Variants in TRIQK observed in about 807,000 individuals in gnomAD.
TRIQK encodes triple QxxK/R motif-containing protein.
In TRIQK, 10 loss-of-function variants were observed where a neutral mutation model predicts 10.8. That is an observed-to-expected ratio of 0.92 (90% CI 0.57 to 1.57). The LOEUF is 1.57. Ranked by LOEUF, TRIQK falls within the 40% of genes most tolerant of loss-of-function variation. TRIQK has a pLI of 0.00. For synonymous variants in TRIQK, 33 were observed against 33.7 expected (o/e 0.98, Z 0.07); for missense variants, 107 against 97.7 (o/e 1.09, Z -0.40).
At chr8:92,898,571 C>T (rs148683752) in intron 3 of TRIQK, among the ~76,000 whole-genome samples, 68 of 152,000 alleles carry the variant, frequency 4.5e-4, no homozygotes, top group African/African-American at 1.5e-3. Context: ...GAGGTTTTTA[C>T]TTTCCACTCA....
intron 1 of TRIQK, among the ~76,000 whole-genome samples, chr8:92,987,093 A>C (rs1813040491): frequency 6.6e-6 from 1 of 152,214 alleles, no homozygotes. Flanking sequence ...CATTTCTTAT[A>C]ATTTAACATA....
At position 92,932,428 on chromosome 8, in the gene TRIQK, T is replaced by C. The variant is rs545421802; in HGVS notation, c.-21-15418A>G. On this transcript the variant is annotated intron_variant, in intron 2 of 4. Transcript: ENST00000521988. ...TGACCAATACAGTGTTCTCATTGCA[T>C]GCTATCCTCTTTTGACAGTGTTAAC... Among the ~76,000 whole-genome samples the C allele has an allele frequency of 1.6e-3, 245 of 152,304 alleles. 3 individuals carry two copies. Among genetic ancestry groups the C allele is most frequent in the African/African-American group, 5.6e-3 (231 of 41,580 alleles).
chr8:92,895,785 T>A (rs1386928376), intron 3 of TRIQK, among the ~76,000 whole-genome samples: 1 of 152,170 alleles, frequency 6.6e-6, no homozygotes, highest in East Asian at 1.9e-4. Context: ...AGCAAATTAC[T>A]GAAGGAGTTG....
At chr8:92,963,300 C>T (rs957713831) in intron 1 of TRIQK, among the ~76,000 whole-genome samples, 2 of 152,058 alleles carry the variant, frequency 1.3e-5, no homozygotes, top group African/African-American at 4.8e-5. Context: ...CTACTGATAT[C>T]CACTTTTATT....
intron 1 of TRIQK, among the ~76,000 whole-genome samples, chr8:93,003,548 C>T (rs542489868): frequency 1.3e-5 from 2 of 152,114 alleles, no homozygotes; most frequent in East Asian, 3.9e-4. Flanking sequence ...TCCCCCGGTC[C>T]CTCCCAAATC....
intron 1 of TRIQK, among the ~76,000 whole-genome samples, chr8:92,990,881 C>T (rs28676629): frequency 0.011 from 1,651 of 152,204 alleles, 12 homozygotes; most frequent in South Asian, 0.029. Context: ...CCCAGTGGCA[C>T]CTGGAATGAC....
intron 2 of TRIQK, among the ~76,000 whole-genome samples, chr8:92,919,095 T>C (rs1444606679): frequency 6.6e-6 from 1 of 151,900 alleles, no homozygotes; most frequent in Non-Finnish European, 1.5e-5. Context: ...TCTATTTTTA[T>C]GCCAGTACCC....
chr8:93,006,439 C>T (rs1037574749), intron 1 of TRIQK, among the ~76,000 whole-genome samples: 7 of 152,172 alleles, frequency 4.6e-5, no homozygotes, highest in Non-Finnish European at 1.0e-4. Context: ...CTGTGCGACA[C>T]ACGGATCAGG....
At chr8:93,006,025 A>C (rs559517034) in intron 1 of TRIQK, among the ~76,000 whole-genome samples, 1 of 112,238 alleles carries the variant, frequency 8.9e-6, no homozygotes, top group Admixed American at 7.8e-5. Context: ...GAACTATCTA[A>C]AAAATAAGCA....
chr8:92,923,076 A>T (rs1810267324), intron 2 of TRIQK, among the ~76,000 whole-genome samples: 1 of 151,840 alleles, frequency 6.6e-6, no homozygotes, highest in South Asian at 2.1e-4. Flanking sequence ...ACTAATAAAC[A>T]CATTGAGGCT....
At position 92,978,273 on chromosome 8, in the gene TRIQK, C is replaced by T. The variant is rs139480257; in HGVS notation, c.-180-23709G>A. 1.0e-3 allele frequency among the ~76,000 whole-genome samples: 157 copies of T among 152,260 alleles called. 1 individual carries two copies. The highest frequency in any genetic ancestry group is 1.8e-3 in the Non-Finnish European group (125 of 67,998). Reference sequence around the variant, plus strand: ...ATGTGCTGTGGCCTGGAAACTTTGGCTCTAATCACAGGCATTCATAGCCCT... The same window carrying T: ...ATGTGCTGTGGCCTGGAAACTTTGGTTCTAATCACAGGCATTCATAGCCCT... On this transcript the variant is annotated intron_variant, in intron 1 of 4. Coordinates refer to the TRIQK transcript ENST00000520686.
intron 1 of TRIQK, among the ~76,000 whole-genome samples, chr8:93,004,754 T>C (rs1047248931): frequency 6.6e-6 from 1 of 152,212 alleles, no homozygotes; most frequent in African/African-American, 2.4e-5. Context: ...ATCATCTCTC[T>C]CAAGTTCAAA....
intron 2 of TRIQK, among the ~76,000 whole-genome samples, chr8:92,938,212 G>C (rs1013704488): frequency 2.0e-5 from 3 of 151,692 alleles, no homozygotes; most frequent in African/African-American, 7.3e-5. Context: ...TAGTTTTGTG[G>C]AACAGTCTTC....
At chr8:92,926,437 T>C (rs763612694) in intron 2 of TRIQK, 10 of 152,142 alleles carry the variant, frequency 6.6e-5, no homozygotes, top group Non-Finnish European at 1.0e-4. Context: ...AGGAGACAGA[T>C]AGCATAGTAA....
chr8:93,011,167 TATACACATAC>T (rs1813328419), intron 1 of TRIQK, among the ~76,000 whole-genome samples: 1 of 141,332 alleles, frequency 7.1e-6, no homozygotes, highest in Admixed American at 7.1e-5. Flanking sequence ...TGTGTGTGTG[TATACACATAC>T]ATACACACAC....
At chr8:92,919,478 C>G (rs1810054909) in intron 2 of TRIQK, among the ~76,000 whole-genome samples, 1 of 151,890 alleles carries the variant, frequency 6.6e-6, no homozygotes, top group African/African-American at 2.4e-5. Flanking sequence ...CCCTGCATCA[C>G]TGGCGTGATC....
chr8:92,906,349 C>T (rs539206857), intron 3 of TRIQK, among the ~76,000 whole-genome samples: 86 of 152,148 alleles, frequency 5.7e-4, no homozygotes, highest in Non-Finnish European at 9.9e-4. Context: ...TCATACATAG[C>T]GCATGCCTAA....
chr8:92,949,902 A>C (rs1033437329), intron 2 of TRIQK, among the ~76,000 whole-genome samples: 5 of 151,926 alleles, frequency 3.3e-5, no homozygotes, highest in African/African-American at 9.7e-5. Flanking sequence ...GGAAAGAAAG[A>C]AAAAAGAAAA....
chr8:93,007,056 A>AC (rs1334588654), intron 1 of TRIQK, among the ~76,000 whole-genome samples: 5 of 151,878 alleles, frequency 3.3e-5, no homozygotes, highest in South Asian at 2.1e-4. Flanking sequence ...ACTGGGTGAG[A>AC]CCCCCCAAGA....
Sources: gnomAD v4.1 joint callset for allele counts (sites outside exome capture counted in the v4.1 genomes callset) on GRCh38, gnomAD v4.1.1 for gene constraint, MANE v1.5 for transcripts, NCBI Gene and HGNC (gene_info 2026-07-23, HGNC 2026-07-21) for gene names.